The following MCTP2 variants were observed in gnomAD, a reference collection of about 807,000 sequenced individuals.
MCTP2 encodes multiple C2 and transmembrane domain-containing protein 2.
Under a neutral mutation model 111.6 loss-of-function variants are expected in MCTP2, and 132 were observed. That is an observed-to-expected ratio of 1.18 (90% CI 1.03 to 1.37). The LOEUF (loss-of-function observed/expected upper bound fraction) is 1.37, where lower values mean the gene tolerates loss of function less well. MCTP2 is among the 40% of genes most tolerant of loss of function. MCTP2 has a pLI of 0.00. For synonymous variants in MCTP2, 395 were observed against 387.7 expected (o/e 1.02, Z -0.22); for missense variants, 1,183 against 1,067.9 (o/e 1.11, Z -1.50).
intron 4 of MCTP2, 75 bp downstream of exon 4, chr15:94,315,712 T>C: frequency 9.3e-7 from 1 of 1,080,012 alleles, no homozygotes; most frequent in African/African-American, 1.5e-5. Flanking sequence ...ATATTGTCAG[T>C]CAGGCTTTGA....
rs17662472 is a variant in MCTP2, at chr15:94,400,548, T to C, written c.1965+553T>C. 5.3e-4 allele frequency among the ~76,000 whole-genome samples: 81 copies of C among 152,072 alleles called. No individual in the cohort carries two copies. The East Asian group carries it at 0.015, about 29-fold the overall frequency. On this transcript the variant is annotated intron_variant, in intron 16 of 22. Coordinates refer to ENST00000357742, the MANE Select transcript of MCTP2 (RefSeq NM_001385001.1). Reference sequence around the variant, plus strand: ...CTCTGCCTATTGCCCTTAACTCCTTTCTCATTCAGTTCAACAAAAGGTGAA... The same window carrying C: ...CTCTGCCTATTGCCCTTAACTCCTTCCTCATTCAGTTCAACAAAAGGTGAA...
intron 7 of MCTP2, 200 bp downstream of exon 7, chr15:94,341,124 A>G (rs938963964): frequency 7.7e-6 from 4 of 520,020 alleles, no homozygotes; most frequent in Non-Finnish European, 1.4e-5. Flanking sequence ...AAATTTGTTA[A>G]GGAATTATTT....
intron 1 of MCTP2, among the ~76,000 whole-genome samples, chr15:94,277,216 T>C (rs2074261106): frequency 6.6e-6 from 1 of 152,174 alleles, no homozygotes; most frequent in South Asian, 2.1e-4. Flanking sequence ...AATTAATTTA[T>C]CAAAATATGG....
intron 19 of MCTP2, among the ~76,000 whole-genome samples, chr15:94,455,440 CTGT>C (rs1467872644): frequency 8.6e-5 from 13 of 151,264 alleles, no homozygotes; most frequent in South Asian, 2.1e-4. Context: ...AGTGTTCTTT[CTGT>C]TGTTTTTTTT....
chr15:94,402,639 G>T lies in MCTP2; in HGVS notation c.2085+620G>T, dbSNP rs545983417. The T allele has an allele frequency of 6.1e-5, 94 of 1,544,962 alleles. 2 individuals carry two copies. The South Asian group carries it at 1.1e-3, about 18-fold the overall frequency. On this transcript the variant is annotated intron_variant, in intron 17 of 22. Coordinates refer to ENST00000357742, the MANE Select transcript of MCTP2 (RefSeq NM_001385001.1). ...TACCACTGAGAGCCCAAGAATCTTG[G>T]AAGGACTTCACAGCTGGCCTCATGC... is the stretch of plus-strand genomic sequence containing the variant.
chr15:94,305,962 A>C (rs1040781970), intron 2 of MCTP2, among the ~76,000 whole-genome samples: 4 of 152,164 alleles, frequency 2.6e-5, no homozygotes, highest in African/African-American at 9.7e-5. Flanking sequence ...TTTAACATGC[A>C]TTGTAAAATC....
chr15:94,368,684 G>A (rs2079327975), intron 11 of MCTP2, among the ~76,000 whole-genome samples: 1 of 152,192 alleles, frequency 6.6e-6, no homozygotes, highest in Admixed American at 6.5e-5. Context: ...GGCATACTGT[G>A]AAGAAGGTTT....
intron 1 of MCTP2, among the ~76,000 whole-genome samples, chr15:94,281,424 T>C (rs2074481257): frequency 6.6e-6 from 1 of 152,206 alleles, no homozygotes; most frequent in Non-Finnish European, 1.5e-5. Flanking sequence ...TCTTTCTCAA[T>C]CCCTTTACTT....
intron 12 of MCTP2, among the ~76,000 whole-genome samples, chr15:94,376,517 G>A (rs1304357186): frequency 2.6e-5 from 4 of 152,080 alleles, no homozygotes; most frequent in Admixed American, 2.6e-4. Context: ...GGTATTTTAA[G>A]GGTTAAATCA....
At chr15:94,389,167 C>G (rs2080707755) in intron 14 of MCTP2, among the ~76,000 whole-genome samples, 1 of 150,588 alleles carries the variant, frequency 6.6e-6, no homozygotes. Flanking sequence ...TGAGCTGGGT[C>G]AGGGGTGAGT....
chr15:94,464,433 T>C (rs1355591457), intron 20 of MCTP2, among the ~76,000 whole-genome samples: 8 of 52,506 alleles, frequency 1.5e-4, no homozygotes, highest in Admixed American at 5.9e-4. Flanking sequence ...CATTACCTAC[T>C]CTTCTATGCT....
chr15:94,475,235 G>T (rs1247780117), intron 21 of MCTP2, among the ~76,000 whole-genome samples: 2 of 152,212 alleles, frequency 1.3e-5, no homozygotes, highest in East Asian at 1.9e-4. Flanking sequence ...TTGCTGTGGG[G>T]GTAGAGGGAA....
chr15:94,356,250 G>T lies in MCTP2; in HGVS notation c.1119G>T (p.Met373Ile). 6.2e-7 allele frequency: 1 copy of T among 1,612,826 alleles called. No individual in the cohort carries two copies. The highest frequency in any genetic ancestry group is 1.1e-5 in the South Asian group (1 of 90,848). ...LEGKNVSGGS[M>I]TEMFVQLKLG... ...GGAAGAATGTCTCAGGAGGAAGCAT[G>T]ACAGAGATGTTTGTCCAGTTAAAAC... is the stretch of plus-strand genomic sequence containing the variant. The change falls in exon 9 of 23, where the codon ATG becomes ATT. Residue 373 changes from methionine to isoleucine, a missense_variant. By Grantham distance (10) the Met-to-Ile change is conservative. Coordinates refer to ENST00000357742, the MANE Select transcript of MCTP2 (RefSeq NM_001385001.1).
At chr15:94,424,940 A>G (rs1054602906) in intron 17 of MCTP2, among the ~76,000 whole-genome samples, 2 of 151,918 alleles carry the variant, frequency 1.3e-5, no homozygotes, top group Non-Finnish European at 2.9e-5. Context: ...CATTCTTTGT[A>G]CTTAAAATAT....
At chr15:94,432,571 T>C (rs2083253039) in intron 17 of MCTP2, among the ~76,000 whole-genome samples, 1 of 152,190 alleles carries the variant, frequency 6.6e-6, no homozygotes, top group Admixed American at 6.5e-5. Context: ...CCCATGATTT[T>C]GTATGAACAA....
At position 94,399,943 on chromosome 15, in the gene MCTP2, T is replaced by C. The variant is rs921526972; in HGVS notation, c.1913T>C (p.Phe638Ser). The C allele has an allele frequency of 4.3e-6, 7 of 1,613,826 alleles. No individual in the cohort carries two copies. The highest frequency in any genetic ancestry group is 5.9e-6 in the Non-Finnish European group (7 of 1,179,886). ...YNPVKASIRT[F>S]TPREKRFVED... ...TAGGTGAAAGCAAGTATTAGGACTT[T>C]TACTCCCCGGGAAAAGCGCTTTGTT... Residue 638 changes from phenylalanine to serine, a missense_variant, in exon 16 of 23, where the codon TTT becomes TCT. By Grantham distance (155) the Phe-to-Ser change is radical (BLOSUM62 -2). Transcript: ENST00000357742.
At chr15:94,313,519 G>C (rs938414831) in intron 2 of MCTP2, among the ~76,000 whole-genome samples, 1 of 152,134 alleles carries the variant, frequency 6.6e-6, no homozygotes, top group Admixed American at 6.5e-5. Context: ...TGGCCAATAT[G>C]GTGAAACCCT....
At chr15:94,467,533 G>C (rs1037936294) in intron 20 of MCTP2, among the ~76,000 whole-genome samples, 11 of 152,074 alleles carry the variant, frequency 7.2e-5, no homozygotes, top group Admixed American at 1.3e-4. Context: ...GTTGGGGTTG[G>C]GGGTTGTGTG....
chr15:94,339,648 T>C (rs564731150), intron 5 of MCTP2, among the ~76,000 whole-genome samples: 1 of 152,238 alleles, frequency 6.6e-6, no homozygotes, highest in Non-Finnish European at 1.5e-5. Context: ...TCTACATTGA[T>C]TGCATTTCAG....
Sources: allele counts gnomAD v4.1 joint callset (sites outside exome capture counted in the v4.1 genomes callset), GRCh38; gene constraint gnomAD v4.1.1; transcripts MANE v1.5; gene names NCBI Gene and HGNC (gene_info 2026-07-23, HGNC 2026-07-21).